Variants in ATP6V1E1 observed in about 807,000 individuals in gnomAD.
ATP6V1E1 encodes ATPase H+ transporting V1 subunit E1.
ATP6V1E1 carries 21 observed loss-of-function variants against 35.2 expected under a neutral mutation model. The ratio of observed to expected loss-of-function variants is 0.60; its 90% CI spans 0.42 to 0.86. The LOEUF is 0.86. ATP6V1E1 is among the 40% of genes least tolerant of loss of function. The probability of loss-of-function intolerance (pLI) is 0.00; values close to 1 mark genes in which losing one functional copy is unlikely to be tolerated. For synonymous variants in ATP6V1E1, 83 were observed against 87.8 expected (o/e 0.95, Z 0.30); for missense variants, 183 against 272.6 (o/e 0.67, Z 2.32).
At chr22:17,617,192 CAG>C (rs1287605490) in intron 2 of ATP6V1E1, among the ~76,000 whole-genome samples, 4 of 152,108 alleles carry the variant, frequency 2.6e-5, no homozygotes, top group South Asian at 4.1e-4. Context: ...CCCAAGGTTT[CAG>C]AGAGTTTTAT....
intron 2 of ATP6V1E1, chr22:17,619,009 A>C (rs550572112): frequency 2.2e-6 from 1 of 452,638 alleles, no homozygotes; most frequent in South Asian, 1.6e-5. Context: ...AAATGAAAGA[A>C]GGGGCCAGGC....
intron 4 of ATP6V1E1, among the ~76,000 whole-genome samples, chr22:17,606,234 C>T (rs1002771013): frequency 6.6e-6 from 1 of 152,144 alleles, no homozygotes; most frequent in African/African-American, 2.4e-5. Context: ...TTTCCCCTTC[C>T]TTCCATCTTT....
chr22:17,628,756 G>A, upstream of ATP6V1E1: 1 of 1,390,812 alleles, frequency 7.2e-7, no homozygotes, highest in Non-Finnish European at 1.0e-6. Flanking sequence ...TTATAACCGC[G>A]GGTTCCGGTT....
At chr22:17,625,888 C>T (rs567392371) in intron 1 of ATP6V1E1, among the ~76,000 whole-genome samples, 1 of 151,788 alleles carries the variant, frequency 6.6e-6, no homozygotes, top group Admixed American at 6.6e-5. Context: ...AAAAGTTTCC[C>T]AGGACTGATT....
intron 1 of ATP6V1E1, among the ~76,000 whole-genome samples, chr22:17,627,607 T>C (rs1052544646): frequency 6.7e-6 from 1 of 150,158 alleles, no homozygotes; most frequent in African/African-American, 2.4e-5. Context: ...TCACCTGAGG[T>C]CAGGAGTTCA....
intron 2 of ATP6V1E1, among the ~76,000 whole-genome samples, chr22:17,616,301 T>C (rs1027289471): frequency 6.6e-6 from 1 of 152,090 alleles, no homozygotes; most frequent in Non-Finnish European, 1.5e-5. Flanking sequence ...TGAGCCGACA[T>C]TGCACCACTG....
chr22:17,599,718 G>A (rs937095473), intron 6 of ATP6V1E1, among the ~76,000 whole-genome samples: 4 of 151,528 alleles, frequency 2.6e-5, no homozygotes, highest in Admixed American at 6.6e-5. Flanking sequence ...TCAGGAGTTC[G>A]AGACCAGCCT....
At chr22:17,592,865 C>G (rs898661635) in intron 8 of ATP6V1E1, 129 bp from the exon 9 acceptor site, 1 of 762,328 alleles carries the variant, frequency 1.3e-6, no homozygotes, top group Non-Finnish European at 2.2e-6. Flanking sequence ...TGCAGTGGCG[C>G]ATCTCCGCTC....
At chr22:17,625,121 T>C (rs955517694) in intron 1 of ATP6V1E1, among the ~76,000 whole-genome samples, 4 of 152,166 alleles carry the variant, frequency 2.6e-5, no homozygotes, top group Admixed American at 2.6e-4. Flanking sequence ...CTTAAACTTC[T>C]CCATAGATAC....
rs201514089 is a variant in ATP6V1E1 at position 17,600,131 on chromosome 22, C to A, written c.367-36G>T. On this transcript the variant is annotated intron_variant, in intron 5 of 8. Coordinates refer to ENST00000253413, the MANE Select transcript of ATP6V1E1 (RefSeq NM_001696.4). Reference sequence around the variant, plus strand: ...TAGTAGATACAGTCAGTAGAAAATGCAAACTATAAAATAAAGAAACAGGTC... The same window carrying A: ...TAGTAGATACAGTCAGTAGAAAATGAAAACTATAAAATAAAGAAACAGGTC... 7.7e-4 allele frequency: 1,209 copies of A among 1,573,984 alleles called. 1 individual carries two copies. Among genetic ancestry groups the A allele is most frequent in the Non-Finnish European group, 9.9e-4 (1,129 of 1,144,058 alleles).
At chr22:17,601,006 G>A (rs946044917) in intron 5 of ATP6V1E1, 86 bp downstream of exon 5, 5 of 1,121,150 alleles carry the variant, frequency 4.5e-6, no homozygotes, top group Admixed American at 2.6e-5. Flanking sequence ...TGAGAAAGCA[G>A]GAAAAAATAG....
chr22:17,612,799 G>A lies in ATP6V1E1; in HGVS notation c.276+13C>T, dbSNP rs867889570. ...TGTAATAATTTTATAACTAATAGGG[G>A]CTAATTACTCACTGTGATAAGGTCA... On this transcript the variant is annotated intron_variant, in intron 4 of 8. Transcript: ENST00000253413. 6.4e-7 allele frequency: 1 copy of A among 1,564,404 alleles called. No homozygotes were observed. Among genetic ancestry groups the A allele is most frequent in the Middle Eastern group, 1.7e-4 (1 of 5,890 alleles).
intron 2 of ATP6V1E1, among the ~76,000 whole-genome samples, chr22:17,618,724 G>A (rs1352411345): frequency 6.6e-6 from 1 of 151,886 alleles, no homozygotes; most frequent in Non-Finnish European, 1.5e-5. Context: ...ATAGGGCTGG[G>A]CACGGTGTTT....
rs761131399 is a variant in ATP6V1E1, at chr22:17,620,923, G to A, written c.34-1397C>T. ...CTAAAAATACAAAAAATTAGCCGGC[G>A]TGGTGGCGGGCGCCTGTAGTTCCAG... is the stretch of plus-strand genomic sequence containing the variant. On this transcript the variant is annotated intron_variant, in intron 1 of 8. Coordinates refer to ENST00000253413, the MANE Select transcript of ATP6V1E1 (RefSeq NM_001696.4). Among the ~76,000 whole-genome samples, 6 of 152,070 alleles carry A rather than the reference G, an allele frequency of 3.9e-5. No homozygotes were observed. In the East Asian group the frequency reaches 5.8e-4, roughly 15 times the overall value.
At chr22:17,625,302 G>C (rs1436066726) in intron 1 of ATP6V1E1, among the ~76,000 whole-genome samples, 1 of 151,994 alleles carries the variant, frequency 6.6e-6, no homozygotes, top group Non-Finnish European at 1.5e-5. Flanking sequence ...TTTCACTCTT[G>C]TTGCCCAGGC....
chr22:17,611,104 C>T (rs2057813303), intron 4 of ATP6V1E1, among the ~76,000 whole-genome samples: 1 of 147,716 alleles, frequency 6.8e-6, no homozygotes, highest in African/African-American at 2.5e-5. Context: ...CCTTCTACAA[C>T]AAACTACCTT....
At chr22:17,628,518 A>C in intron 1 of ATP6V1E1, 85 bp downstream of exon 1, 1 of 1,587,048 alleles carries the variant, frequency 6.3e-7, no homozygotes, top group Non-Finnish European at 8.6e-7. Flanking sequence ...GGGCGGCTCA[A>C]GGCCCGCGGC....
At chr22:17,626,306 T>TGGG (rs1568896677) in intron 1 of ATP6V1E1, among the ~76,000 whole-genome samples, 2 of 29,190 alleles carry the variant, frequency 6.9e-5, no homozygotes, top group African/African-American at 5.3e-4. Flanking sequence ...AGACTTCGTC[T>TGGG]CAAAAAAAAA....
Position 17,612,852 on chromosome 22 carries a change from G to T in ATP6V1E1, c.236C>A (p.Ala79Glu). 6.2e-7 allele frequency: 1 copy of T among 1,610,184 alleles called. No homozygotes were observed. Among genetic ancestry groups the T allele is most frequent in the Non-Finnish European group, 8.5e-7 (1 of 1,179,376 alleles). Residue 79 changes from alanine (A) to glutamate (E), a missense_variant, in exon 4 of 9, where the codon GCG becomes GAG. Physicochemically the swap from Ala to Glu is moderately radical, Grantham distance 107. Coordinates refer to ENST00000253413, the MANE Select transcript of ATP6V1E1 (RefSeq NM_001696.4). Reference protein sequence around the residue: ...KIQMSNLMNQARLKVLRARDD... With the variant: ...KIQMSNLMNQERLKVLRARDD... ...TCTTGCTCTGAGGACTTTGAGTCTCGCTTGATTCATCAAATTGGACATCTG... is the reference window on the plus strand; with the variant it reads ...TCTTGCTCTGAGGACTTTGAGTCTCTCTTGATTCATCAAATTGGACATCTG...
Sources: gnomAD v4.1 joint callset for allele counts (sites outside exome capture counted in the v4.1 genomes callset) on GRCh38, gnomAD v4.1.1 for gene constraint, MANE v1.5 for transcripts, NCBI Gene and HGNC (gene_info 2026-07-23, HGNC 2026-07-21) for gene names.